The following RARB variants were observed in gnomAD, a reference collection of about 807,000 sequenced individuals.
The protein encoded by RARB is HBV-activated protein.
In RARB, 17 loss-of-function variants were observed where a neutral mutation model predicts 51.9. The ratio of observed to expected loss-of-function variants is 0.33; its 90% CI spans 0.22 to 0.49. The LOEUF is 0.49. Ranked by LOEUF, RARB falls within the 20% of genes least tolerant of loss-of-function variation. The pLI is 0.99. For synonymous variants in RARB, 215 were observed against 195.4 expected, an observed-to-expected ratio of 1.10 and a Z score of -0.84; for missense variants, 369 against 550.8, an observed-to-expected ratio of 0.67 and a Z score of 3.30.
At chr3:25,088,779 T>C (rs1394161803) in intron 3 of RARB, among the ~76,000 whole-genome samples, 1 of 152,118 alleles carries the variant, frequency 6.6e-6, no homozygotes, top group Non-Finnish European at 1.5e-5. Flanking sequence ...TTTCAAGTTA[T>C]TAGTATTGAA....
At chr3:25,531,710 G>T (rs1374225029) in intron 3 of RARB, among the ~76,000 whole-genome samples, 16 of 124,338 alleles carry the variant, frequency 1.3e-4, no homozygotes, top group South Asian at 5.1e-4. Context: ...ACAAGAAAAA[G>T]ATATAGACAC....
intron 2 of RARB, among the ~76,000 whole-genome samples, chr3:24,867,818 A>G (rs1277680233): frequency 6.6e-6 from 1 of 152,174 alleles, no homozygotes; most frequent in South Asian, 2.1e-4. Flanking sequence ...TTCTCTTAAG[A>G]AAAGCCCACA....
intron 2 of RARB, among the ~76,000 whole-genome samples, chr3:24,897,915 T>C (rs1703513226): frequency 6.6e-6 from 1 of 152,200 alleles, no homozygotes; most frequent in South Asian, 2.1e-4. Flanking sequence ...ACTTATTCAC[T>C]ATGGAACCTT....
At chr3:25,442,296 C>A (rs913272157) in intron 1 of RARB, among the ~76,000 whole-genome samples, 3 of 151,958 alleles carry the variant, frequency 2.0e-5, no homozygotes, top group African/African-American at 7.2e-5. Flanking sequence ...CTACCACGCC[C>A]AGCTAATTTT....
intron 5 of RARB, among the ~76,000 whole-genome samples, chr3:25,241,159 G>A (rs1702421397): frequency 6.6e-6 from 1 of 152,062 alleles, no homozygotes; most frequent in Non-Finnish European, 1.5e-5. Context: ...CATTTCTGTG[G>A]TATCAGTTGT....
intron 5 of RARB, among the ~76,000 whole-genome samples, chr3:25,195,794 A>G (rs1421110600): frequency 6.6e-6 from 1 of 152,064 alleles, no homozygotes; most frequent in East Asian, 1.9e-4. Flanking sequence ...AGATTTTAAA[A>G]GAAAGCCATG....
intron 5 of RARB, among the ~76,000 whole-genome samples, chr3:25,208,231 A>G (rs1440659981): frequency 6.6e-6 from 1 of 152,196 alleles, no homozygotes; most frequent in African/African-American, 2.4e-5. Context: ...CATCCAAACT[A>G]TATTAGCATA....
chr3:25,490,913 G>T (rs954792537), intron 2 of RARB, among the ~76,000 whole-genome samples: 4 of 152,236 alleles, frequency 2.6e-5, no homozygotes, highest in South Asian at 2.1e-4. Context: ...GTGGAGAAGA[G>T]CGAAATCTTG....
intron 5 of RARB, among the ~76,000 whole-genome samples, chr3:25,385,866 A>G (rs1691600730): frequency 6.6e-6 from 1 of 152,150 alleles, no homozygotes; most frequent in Non-Finnish European, 1.5e-5. Context: ...GTGACCTAAG[A>G]AGGAGCAATC....
At chr3:24,901,329 GAAGGCATTAT>G (rs1375577122) in intron 2 of RARB, among the ~76,000 whole-genome samples, 1 of 152,180 alleles carries the variant, frequency 6.6e-6, no homozygotes, top group Non-Finnish European at 1.5e-5. Context: ...TAGAGGGAAA[GAAGGCATTAT>G]AAGGCCCCTA....
chr3:24,991,214 G>A (rs1157373471), intron 2 of RARB, among the ~76,000 whole-genome samples: 1 of 152,160 alleles, frequency 6.6e-6, no homozygotes, highest in East Asian at 1.9e-4. Flanking sequence ...GCTGAGGTGG[G>A]CAGATCACCT....
intron 4 of RARB, among the ~76,000 whole-genome samples, chr3:25,135,687 T>G (rs1700022045): frequency 6.6e-6 from 1 of 151,934 alleles, no homozygotes; most frequent in African/African-American, 2.4e-5. Flanking sequence ...GAGCAAAGAC[T>G]TTTTTAAAAG....
At chr3:24,957,450 G>A (rs1259888693) in intron 2 of RARB, among the ~76,000 whole-genome samples, 11 of 152,190 alleles carry the variant, frequency 7.2e-5, no homozygotes, top group South Asian at 2.1e-4. Context: ...GTGGAGAGAC[G>A]TCAAATGTTC....
chr3:24,958,324 A>G (rs1030752549), intron 2 of RARB, among the ~76,000 whole-genome samples: 1 of 132,924 alleles, frequency 7.5e-6, no homozygotes, highest in African/African-American at 2.8e-5. Flanking sequence ...CTTTAGAACT[A>G]ATAGTTTACT....
chr3:25,040,272 A>G (rs757190811), intron 2 of RARB, among the ~76,000 whole-genome samples: 2 of 152,198 alleles, frequency 1.3e-5, no homozygotes, highest in African/African-American at 2.4e-5. Flanking sequence ...CCTTTTTTAT[A>G]TAGTCAATGT....
At chr3:25,027,822 G>A (rs924666671) in intron 2 of RARB, among the ~76,000 whole-genome samples, 10 of 152,122 alleles carry the variant, frequency 6.6e-5, no homozygotes, top group African/African-American at 2.2e-4. Flanking sequence ...TTTCACTTCA[G>A]TAGTAAGGCT....
At chr3:24,867,702 C>T (rs1253034543) in intron 2 of RARB, among the ~76,000 whole-genome samples, 1 of 152,074 alleles carries the variant, frequency 6.6e-6, no homozygotes, top group Non-Finnish European at 1.5e-5. Flanking sequence ...CAGAAGGAGA[C>T]CTCAGGGTCG....
chr3:25,502,136 G>C (rs530805332), intron 3 of RARB, among the ~76,000 whole-genome samples: 42 of 152,332 alleles, frequency 2.8e-4, no homozygotes, highest in Non-Finnish European at 5.9e-4. Flanking sequence ...TCCATCATGG[G>C]GGGATTTTGG....
intron 5 of RARB, among the ~76,000 whole-genome samples, chr3:25,247,012 G>T (rs1250792108): frequency 4.6e-5 from 7 of 152,218 alleles, no homozygotes. Context: ...TTTCAGAGAT[G>T]CCCTGCCCAG....
Sources: gnomAD v4.1 joint callset for allele counts (sites outside exome capture counted in the v4.1 genomes callset) on GRCh38, gnomAD v4.1.1 for gene constraint, MANE v1.5 for transcripts, NCBI Gene and HGNC (gene_info 2026-07-23, HGNC 2026-07-21) for gene names.